The following SLC25A13 variants were observed in gnomAD, a reference collection of about 807,000 sequenced individuals.
SLC25A13 encodes solute carrier family 25 member 13.
In SLC25A13, 70 loss-of-function variants were observed where a neutral mutation model predicts 85.5. The observed-to-expected ratio is 0.82, with a 90% CI of 0.68 to 1.00. The LOEUF is 1.00. SLC25A13 is among the 50% of genes least tolerant of loss of function. The pLI is 0.00. For synonymous variants in SLC25A13, 259 were observed against 288.7 expected, an observed-to-expected ratio of 0.90 and a Z score of 1.04; for missense variants, 765 against 819.8, an observed-to-expected ratio of 0.93 and a Z score of 0.82.
At chr7:96,172,754 A>G (rs1794057810) in intron 11 of SLC25A13, among the ~76,000 whole-genome samples, 1 of 151,222 alleles carries the variant, frequency 6.6e-6, no homozygotes, top group Non-Finnish European at 1.5e-5. Flanking sequence ...AATGAGGACA[A>G]GCGCCAGTTT....
chr7:96,136,908 G>A (rs1792310766), intron 14 of SLC25A13, among the ~76,000 whole-genome samples: 1 of 152,162 alleles, frequency 6.6e-6, no homozygotes, highest in Admixed American at 6.5e-5. Context: ...CACCTTGTCT[G>A]AGAAGGTTAT....
intron 14 of SLC25A13, among the ~76,000 whole-genome samples, chr7:96,140,428 G>A (rs1163019955): frequency 2.7e-5 from 3 of 110,034 alleles, no homozygotes; most frequent in African/African-American, 1.1e-4. Flanking sequence ...TTTTTGAGAC[G>A]GAGTCTCCCT....
intron 1 of SLC25A13, among the ~76,000 whole-genome samples, chr7:96,320,135 G>C (rs13245099): frequency 3.3e-5 from 5 of 151,944 alleles, no homozygotes; most frequent in African/African-American, 4.8e-5. Flanking sequence ...ATCCTGAGTA[G>C]CTGGGATTAC....
intron 5 of SLC25A13, among the ~76,000 whole-genome samples, chr7:96,199,512 G>C (rs991187853): frequency 2.6e-5 from 4 of 152,162 alleles, no homozygotes; most frequent in Non-Finnish European, 5.9e-5. Context: ...ACTAAATGCT[G>C]CTGCCGAAGA....
chr7:96,210,175 A>C (rs1384832905), intron 4 of SLC25A13, among the ~76,000 whole-genome samples: 1 of 152,142 alleles, frequency 6.6e-6, no homozygotes, highest in Non-Finnish European at 1.5e-5. Context: ...TTAGGTGTGT[A>C]TTTGCACAGA....
chr7:96,171,360 A>G, intron 12 of SLC25A13, 112 bp downstream of exon 12: 1 of 943,054 alleles, frequency 1.1e-6, no homozygotes, highest in South Asian at 1.4e-5. Context: ...CTGCTTTCAA[A>G]TTAGCTAGCA....
rs149366697 is a variant in SLC25A13 at position 96,247,514 on chromosome 7, G to A, written c.213-12597C>T. On this transcript the variant is annotated intron_variant, in intron 3 of 17. Coordinates refer to ENST00000265631, the MANE Select transcript of SLC25A13 (RefSeq NM_014251.3). ...AAAGATTAGGCTTTAAAATGTACTCGATCCTATAAAATAATTCCATCAATT... is the reference window on the plus strand; with the variant it reads ...AAAGATTAGGCTTTAAAATGTACTCAATCCTATAAAATAATTCCATCAATT... 6.0e-3 allele frequency among the ~76,000 whole-genome samples: 906 copies of A among 152,108 alleles called. 9 individuals are homozygous for A. The highest frequency in any genetic ancestry group is 0.01 in the Middle Eastern group (3 of 292).
intron 14 of SLC25A13, among the ~76,000 whole-genome samples, chr7:96,142,730 C>T (rs943025827): frequency 6.6e-6 from 1 of 151,998 alleles, no homozygotes; most frequent in African/African-American, 2.4e-5. Flanking sequence ...ATACACCTTT[C>T]TAAATTACTT....
chr7:96,152,706 A>G (rs1347753211), intron 13 of SLC25A13, among the ~76,000 whole-genome samples: 6 of 152,192 alleles, frequency 3.9e-5, no homozygotes, highest in Non-Finnish European at 7.3e-5. Context: ...TGGGAGGATG[A>G]AGAAGAAAAA....
chr7:96,204,522 G>C (rs1311869080), intron 5 of SLC25A13, among the ~76,000 whole-genome samples: 2 of 146,272 alleles, frequency 1.4e-5, no homozygotes, highest in African/African-American at 5.1e-5. Context: ...CTGGGTAACA[G>C]AGTGAGACCC....
chr7:96,252,391 C>A (rs1316108081), intron 3 of SLC25A13, among the ~76,000 whole-genome samples: 2 of 152,150 alleles, frequency 1.3e-5, no homozygotes, highest in African/African-American at 2.4e-5. Context: ...ATCTACTGAG[C>A]AAGCAATAGG....
chr7:96,253,071 C>T (rs1318102938), intron 3 of SLC25A13, among the ~76,000 whole-genome samples: 2 of 152,040 alleles, frequency 1.3e-5, no homozygotes, highest in Non-Finnish European at 2.9e-5. Flanking sequence ...TCCAGCCTGG[C>T]TAACAGAGCA....
chr7:96,316,303 T>C (rs1264387324), intron 1 of SLC25A13, among the ~76,000 whole-genome samples: 1 of 152,186 alleles, frequency 6.6e-6, no homozygotes, highest in African/African-American at 2.4e-5. Flanking sequence ...ATAAAAGGTA[T>C]ATGACAATTC....
At chr7:96,172,125 AG>A (rs1380095737) in intron 11 of SLC25A13, among the ~76,000 whole-genome samples, 2 of 152,166 alleles carry the variant, frequency 1.3e-5, no homozygotes, top group Non-Finnish European at 2.9e-5. Flanking sequence ...GCCTCTTCTG[AG>A]GGACCAGCCC....
intron 1 of SLC25A13, among the ~76,000 whole-genome samples, chr7:96,303,891 T>C (rs1190560857): frequency 6.6e-6 from 1 of 151,944 alleles, no homozygotes; most frequent in Non-Finnish European, 1.5e-5. Context: ...TTCTTTACCT[T>C]CCCAACAAAT....
At chr7:96,158,728 C>G (rs1793383486) in intron 13 of SLC25A13, among the ~76,000 whole-genome samples, 1 of 152,140 alleles carries the variant, frequency 6.6e-6, no homozygotes, top group Admixed American at 6.5e-5. Context: ...TATCTGGACA[C>G]AAACACAATT....
At chr7:96,138,086 C>T (rs1792359333) in intron 14 of SLC25A13, among the ~76,000 whole-genome samples, 1 of 152,140 alleles carries the variant, frequency 6.6e-6, no homozygotes, top group Non-Finnish European at 1.5e-5. Flanking sequence ...CTGAGTTTTG[C>T]TAGTCTAAAA....
At chr7:96,172,732 G>C (rs1394235952) in intron 11 of SLC25A13, among the ~76,000 whole-genome samples, 1 of 151,962 alleles carries the variant, frequency 6.6e-6, no homozygotes, top group East Asian at 1.9e-4. Context: ...CCTGCTTTGA[G>C]GCCCGTACCT....
At chr7:96,289,970 A>C (rs1810613087) in intron 2 of SLC25A13, among the ~76,000 whole-genome samples, 1 of 152,192 alleles carries the variant, frequency 6.6e-6, no homozygotes, top group Non-Finnish European at 1.5e-5. Context: ...AGATTCACCA[A>C]AGTTGAAATG....
Sources: gnomAD v4.1 joint callset for allele counts (sites outside exome capture counted in the v4.1 genomes callset) on GRCh38, gnomAD v4.1.1 for gene constraint, MANE v1.5 for transcripts, NCBI Gene and HGNC (gene_info 2026-07-23, HGNC 2026-07-21) for gene names.